DOCK9: variants seen among roughly 807,000 people sequenced by gnomAD.
The protein encoded by DOCK9 is dedicator of cytokinesis 9, also known as dedicator of cytokinesis protein 9.
A neutral mutation model predicts 263.3 loss-of-function variants in DOCK9; 89 were observed. The observed-to-expected ratio is 0.34, with a 90% confidence interval of 0.28 to 0.40. The LOEUF is 0.40. Among genes scored for constraint, DOCK9 ranks in the 10% least tolerant of loss-of-function variants. The pLI, the probability that DOCK9 is intolerant of heterozygous loss-of-function variation, is 1.00. For missense variants in DOCK9, 2,140 were observed against 2,603.4 expected (o/e 0.82, Z 3.87); for synonymous variants, 976 against 973.1 (o/e 1.00, Z -0.06).
chr13:98,976,059 G>A (rs1371483049), intron 1 of DOCK9, among the ~76,000 whole-genome samples: 1 of 151,750 alleles, frequency 6.6e-6, no homozygotes, highest in Non-Finnish European at 1.5e-5. Context: ...TCCCTGATCT[G>A]ACATTAGCTC....
intron 15 of DOCK9, among the ~76,000 whole-genome samples, chr13:98,895,273 A>C (rs2047239898): frequency 6.6e-6 from 1 of 152,164 alleles, no homozygotes; most frequent in Non-Finnish European, 1.5e-5. Flanking sequence ...ACTTTCAGAA[A>C]ATACTTGAGT....
chr13:98,810,736 G>A (rs755374821), intron 45 of DOCK9, among the ~76,000 whole-genome samples: 4 of 152,110 alleles, frequency 2.6e-5, no homozygotes, highest in Non-Finnish European at 5.9e-5. Flanking sequence ...ATGGAGTGTG[G>A]GGGGCACCGT....
chr13:98,831,834 G>A (rs1448237839), intron 39 of DOCK9, 48 bp from the exon 40 acceptor site: 2 of 1,588,290 alleles, frequency 1.3e-6, no homozygotes, highest in Non-Finnish European at 1.7e-6. Context: ...GTCACCTCTA[G>A]TAGGTTTCAC....
chr13:98,926,000 A>G, intron 3 of DOCK9, 81 bp from the exon 4 acceptor site: 1 of 1,207,452 alleles, frequency 8.3e-7, no homozygotes, highest in East Asian at 2.6e-5. Flanking sequence ...AAGTTTGTGA[A>G]GGCATACCCA....
intron 48 of DOCK9, among the ~76,000 whole-genome samples, chr13:98,805,920 C>A (rs2090649521): frequency 6.6e-6 from 1 of 152,072 alleles, no homozygotes; most frequent in Non-Finnish European, 1.5e-5. Flanking sequence ...GCCACCATGC[C>A]CAGCTAATTA....
intron 1 of DOCK9, among the ~76,000 whole-genome samples, chr13:99,013,697 A>G (rs1400347517): frequency 1.3e-5 from 2 of 152,188 alleles, no homozygotes; most frequent in African/African-American, 4.8e-5. Context: ...CTGGGTATCC[A>G]GAACGAGGTG....
At chr13:99,007,160 C>T (rs545557832) in intron 1 of DOCK9, among the ~76,000 whole-genome samples, 22 of 152,082 alleles carry the variant, frequency 1.4e-4, no homozygotes, top group East Asian at 9.7e-4. Context: ...GAGGCAGAGG[C>T]GGGTGGATCA....
At chr13:98,860,749 G>GAAATCACGTTCCAT in intron 32 of DOCK9, among the ~76,000 whole-genome samples, 1 of 151,814 alleles carries the variant, frequency 6.6e-6, no homozygotes, top group East Asian at 2.0e-4. Context: ...GTGGGGGAGA[G>GAAATCACGTTCCAT]AAATCACGTT....
At chr13:98,978,608 A>G (rs530145206), upstream of DOCK9, among the ~76,000 whole-genome samples, 1 of 152,360 alleles carries the variant, frequency 6.6e-6, no homozygotes, top group African/African-American at 2.4e-5. Flanking sequence ...GGGATACCAC[A>G]TATCATAGTA....
At chr13:98,885,980 T>C (rs2045637066) in intron 19 of DOCK9, 149 bp from the exon 20 acceptor site, 2 of 670,892 alleles carry the variant, frequency 3.0e-6, no homozygotes, top group East Asian at 6.3e-5. Flanking sequence ...ACTGAGACTA[T>C]AAATTGTGCC....
chr13:98,976,366 G>A (rs533038490), intron 1 of DOCK9, among the ~76,000 whole-genome samples: 7 of 150,166 alleles, frequency 4.7e-5, no homozygotes, highest in African/African-American at 1.2e-4. Context: ...AGAAAGAGAA[G>A]TAAGTTTAAG....
At chr13:99,028,044 G>T (rs1021564953) in intron 1 of DOCK9, among the ~76,000 whole-genome samples, 1 of 152,202 alleles carries the variant, frequency 6.6e-6, no homozygotes, top group Non-Finnish European at 1.5e-5. Context: ...GAAATCAATA[G>T]AAGAAGTAGG....
intron 1 of DOCK9, among the ~76,000 whole-genome samples, chr13:98,999,921 A>G (rs574521716): frequency 4.9e-4 from 74 of 152,342 alleles, no homozygotes; most frequent in African/African-American, 1.7e-3. Flanking sequence ...CTCTTGCACC[A>G]AAGTTCCCAG....
intron 45 of DOCK9, among the ~76,000 whole-genome samples, chr13:98,823,921 C>T (rs1229827399): frequency 1.3e-5 from 2 of 152,166 alleles, no homozygotes; most frequent in Non-Finnish European, 2.9e-5. Context: ...AGCACACAAG[C>T]GGAGGCAGGG....
At chr13:98,950,361 C>A in intron 2 of DOCK9, 1 of 935,688 alleles carries the variant, frequency 1.1e-6, no homozygotes, top group South Asian at 1.4e-5. Flanking sequence ...CCTGCTTTGC[C>A]TGAGTGGCTT....
intron 1 of DOCK9, among the ~76,000 whole-genome samples, chr13:98,992,959 A>C (rs1182595563): frequency 6.6e-6 from 1 of 152,234 alleles, no homozygotes; most frequent in East Asian, 1.9e-4. Flanking sequence ...AAAGGTGTGG[A>C]AGTCTGAAAG....
intron 27 of DOCK9, among the ~76,000 whole-genome samples, chr13:98,871,484 A>G (rs2094184190): frequency 6.6e-6 from 1 of 152,252 alleles, no homozygotes; most frequent in Non-Finnish European, 1.5e-5. Flanking sequence ...GCTGTTGTTA[A>G]GAGTCCTAAT....
chr13:98,866,260 G>A (rs1222386273), intron 30 of DOCK9, among the ~76,000 whole-genome samples: 3 of 152,094 alleles, frequency 2.0e-5, no homozygotes, highest in Non-Finnish European at 4.4e-5. Flanking sequence ...TAGAATAGCC[G>A]GGGATTGTCA....
At chr13:98,994,538 T>C (rs931413093) in intron 1 of DOCK9, among the ~76,000 whole-genome samples, 3 of 152,238 alleles carry the variant, frequency 2.0e-5, no homozygotes, top group African/African-American at 7.2e-5. Flanking sequence ...TTTTCAAATT[T>C]GAATCTTCTT....
Sources: gnomAD v4.1 joint callset for allele counts (sites outside exome capture counted in the v4.1 genomes callset) on GRCh38, gnomAD v4.1.1 for gene constraint, MANE v1.5 for transcripts, NCBI Gene and HGNC (gene_info 2026-07-23, HGNC 2026-07-21) for gene names.